The following NDRG4 variants were observed in gnomAD, a reference collection of about 807,000 sequenced individuals.
NDRG4 encodes NDRG family member 4, also known as protein NDRG4.
In NDRG4, 38 loss-of-function variants were observed where a neutral mutation model predicts 55.8. That is an observed-to-expected ratio of 0.68 (90% CI 0.53 to 0.89). NDRG4 has a LOEUF of 0.89. Ranked by LOEUF, NDRG4 falls within the 40% of genes least tolerant of loss-of-function variation. NDRG4 has a pLI of 0.00. For missense variants in NDRG4, 455 were observed against 468.6 expected (o/e 0.97, Z 0.27); for synonymous variants, 190 against 182.7 (o/e 1.04, Z -0.32).
chr16:58,502,032 A>C, intron 1 of NDRG4: 1 of 455,762 alleles, frequency 2.2e-6, no homozygotes, highest in Non-Finnish European at 4.4e-6. Flanking sequence ...CCTGGTCAGG[A>C]GCTCCCTCGG....
intron 8 of NDRG4, 89 bp downstream of exon 8, chr16:58,507,104 C>A: frequency 9.8e-7 from 1 of 1,021,682 alleles, no homozygotes; most frequent in Non-Finnish European, 1.5e-6. Context: ...GCAGACAACA[C>A]CCTTGCCCTG....
intron 8 of NDRG4, 75 bp downstream of exon 8, chr16:58,507,090 G>T: frequency 8.5e-7 from 1 of 1,172,946 alleles, no homozygotes; most frequent in South Asian, 1.3e-5. Flanking sequence ...CCTGAGGGAG[G>T]CAGGCAGACA....
chr16:58,489,695 A>G lies in NDRG4; in HGVS notation c.72+1845A>G, dbSNP rs551447186. ...CTCCCCAGTGCCTCACACAGCACAC[A>G]TAGCTCTCAGTAAAAACATGGGCTG... On this transcript the variant is annotated intron_variant, in intron 2 of 15. Transcript: ENST00000258187. 2.4e-3 allele frequency among the ~76,000 whole-genome samples: 360 copies of G among 152,122 alleles called. 2 individuals carry two copies. Among genetic ancestry groups the G allele is most frequent in the Non-Finnish European group, 3.7e-3 (251 of 68,008 alleles).
At chr16:58,475,883 G>T (rs1054417314) in intron 1 of NDRG4, among the ~76,000 whole-genome samples, 3 of 151,778 alleles carry the variant, frequency 2.0e-5, no homozygotes, top group African/African-American at 7.3e-5. Context: ...TGCAACTTCT[G>T]CCTCCCAGGT....
At chr16:58,476,306 C>A (rs1175984997) in intron 1 of NDRG4, among the ~76,000 whole-genome samples, 1 of 152,212 alleles carries the variant, frequency 6.6e-6, no homozygotes, top group Non-Finnish European at 1.5e-5. Flanking sequence ...CACTGGTTCC[C>A]TATAGAAGCT....
intron 10 of NDRG4, 104 bp from the exon 11 acceptor site, chr16:58,508,858 C>T: frequency 7.7e-7 from 1 of 1,299,506 alleles, no homozygotes; most frequent in Admixed American, 2.0e-5. Flanking sequence ...CCCTCTGCCT[C>T]CCTGCACCCC....
intron 2 of NDRG4, among the ~76,000 whole-genome samples, chr16:58,491,042 C>T (rs147855183): frequency 0.033 from 4,996 of 151,988 alleles, 265 homozygotes; most frequent in African/African-American, 0.11. Flanking sequence ...TTTGGGAGGC[C>T]GAGGCGAGCG....
In NDRG4 at chr16:58,505,708, A is replaced by AT. The variant is rs869263659; in HGVS notation, c.373-675dup. 8.6e-4 allele frequency among the ~76,000 whole-genome samples: 61 copies of AT among 70,596 alleles called. 1 individual carries two copies. The highest frequency in any genetic ancestry group is 1.0e-3 in the African/African-American group (17 of 16,198). The allele number at this position is 70,596 out of a possible 152,430, so 46.3% of individuals were successfully genotyped here. A position where few individuals can be genotyped will look rare whatever the true frequency, so the allele number is the denominator to read the frequency against. On this transcript the variant is annotated intron_variant, in intron 5 of 14. Coordinates refer to ENST00000570248, the MANE Select transcript of NDRG4 (RefSeq NM_001242835.2). The stretch of plus-strand genomic sequence containing the variant: ...TCTTAATTTATATCATGAGGGCTTC[A>AT]TTTTCTTTTTTTTTTTTTTTTTTTT...
At chr16:58,506,252 TG>T in intron 5 of NDRG4, 134 bp from the exon 6 acceptor site, 1 of 811,602 alleles carries the variant, frequency 1.2e-6, no homozygotes, top group South Asian at 1.4e-5. Context: ...CAGGGGCATC[TG>T]GACATGGGTG....
chr16:58,510,602 TC>T (rs1339437937), intron 13 of NDRG4, 42 bp from the exon 14 acceptor site: 2 of 1,511,516 alleles, frequency 1.3e-6, no homozygotes, highest in Non-Finnish European at 1.8e-6. Context: ...GTGTTGTGTC[TC>T]CCCCATCCCC....
chr16:58,498,360 G>C (rs1265041542), upstream of NDRG4, among the ~76,000 whole-genome samples: 1 of 152,174 alleles, frequency 6.6e-6, no homozygotes, highest in Non-Finnish European at 1.5e-5. Context: ...GGCCTCCAGA[G>C]TAAGAGGTGA....
chr16:58,506,313 A>G (rs2038005378), intron 5 of NDRG4, 74 bp from the exon 6 acceptor site: 3 of 1,444,956 alleles, frequency 2.1e-6, no homozygotes, highest in Non-Finnish European at 2.9e-6. Flanking sequence ...CAGCACCTTG[A>G]AGACTTTACA....
chr16:58,471,186 CTTTTTTTTTTTTTTTTT>C (rs528375397), intron 1 of NDRG4, among the ~76,000 whole-genome samples: 2 of 67,076 alleles, frequency 3.0e-5, no homozygotes, highest in South Asian at 9.6e-4. Flanking sequence ...ATGTGTGTTG[CTTTTTTTTTTTTTTTTT>C]TTTTTTTTTG....
In NDRG4 at chr16:58,464,379, A is replaced by G; in HGVS notation, c.-24+582A>G. The G allele has an allele frequency of 7.3e-7, 1 of 1,361,656 alleles. No individual in the cohort carries two copies. The highest frequency in any genetic ancestry group is 9.4e-7 in the Non-Finnish European group (1 of 1,061,398). The allele number at this position is 1,361,656 out of a possible 1,614,324, so 84.3% of individuals were successfully genotyped here. ...CGCGCTCCTCTCCCCGGCTCGGCCGAGCGCGCTGCCCCGACGCCGCCACCC... is the reference window on the plus strand; with the variant it reads ...CGCGCTCCTCTCCCCGGCTCGGCCGGGCGCGCTGCCCCGACGCCGCCACCC... On this transcript the variant is annotated intron_variant, in intron 1 of 15. Coordinates refer to the NDRG4 transcript ENST00000258187. The surrounding 1 kb of genome is among the most constrained non-coding windows in gnomAD (Gnocchi z 4.8).
In NDRG4 at chr16:58,506,548, C is replaced by T. The variant is rs753659590; in HGVS notation, c.460-10C>T. On this transcript the variant is annotated splice_polypyrimidine_tract_variant and intron_variant, in intron 6 of 14. Coordinates refer to ENST00000570248, the MANE Select transcript of NDRG4 (RefSeq NM_001242835.2). ...GGGCGGCACTCACGCTGGCGCCCTG[C>T]TCCCTGCAGCTCTCCGGCCTAACTA... 1 of 1,597,922 alleles carries T rather than the reference C, an allele frequency of 6.3e-7. No homozygotes were observed. Among genetic ancestry groups the T allele is most frequent in the South Asian group, 1.1e-5 (1 of 89,216 alleles).
intron 1 of NDRG4, among the ~76,000 whole-genome samples, chr16:58,478,258 G>A (rs761058765): frequency 9.2e-5 from 14 of 152,058 alleles, no homozygotes; most frequent in South Asian, 2.1e-4. Flanking sequence ...GCATGGTGGC[G>A]GGCACCTGTA....
chr16:58,492,573 G>A (rs997329908), intron 2 of NDRG4, among the ~76,000 whole-genome samples: 3 of 143,598 alleles, frequency 2.1e-5, no homozygotes, highest in Non-Finnish European at 4.5e-5. Context: ...AGACAGTCTC[G>A]CCCTGTCACC....
Position 58,464,465 on chromosome 16 carries a change from C to A in NDRG4, c.-24+668C>A. 7.5e-7 allele frequency: 1 copy of A among 1,330,218 alleles called. No individual in the cohort carries two copies. 82.4% of individuals were successfully genotyped at this position (1,330,218 alleles called of 1,614,324 possible). On this transcript the variant is annotated intron_variant, in intron 1 of 15. Transcript: ENST00000258187. This position sits in a 1 kb window ranked among gnomAD's most constrained non-coding sequence, Gnocchi z 4.8. ...CTGGGACACCGGCTGGAGCTGCTCA[C>A]AGGTACCGCCCGCCTGCCCCGCAGC...
intron 1 of NDRG4, among the ~76,000 whole-genome samples, chr16:58,503,273 G>A (rs2037396260): frequency 6.6e-6 from 1 of 152,218 alleles, no homozygotes; most frequent in Admixed American, 6.5e-5. Context: ...CGTTCAAGGT[G>A]GAAGGAACCA....
Sources: allele counts gnomAD v4.1 joint callset (sites outside exome capture counted in the v4.1 genomes callset), GRCh38; gene constraint gnomAD v4.1.1; non-coding constraint Gnocchi (gnomAD v3.1); transcripts MANE v1.5; gene names NCBI Gene and HGNC (gene_info 2026-07-23, HGNC 2026-07-21).